The following PTK2 variants were observed in gnomAD, a reference collection of about 807,000 sequenced individuals.
The protein encoded by PTK2 is protein tyrosine kinase 2.
A neutral mutation model predicts 150.1 loss-of-function variants in PTK2; 45 were observed. The ratio of observed to expected loss-of-function variants is 0.30; its 90% CI spans 0.24 to 0.38. PTK2 has a LOEUF of 0.38. Ranked by LOEUF, PTK2 falls within the 10% of genes least tolerant of loss-of-function variation. The pLI is 1.00. For missense variants in PTK2, 919 were observed against 1,307.3 expected (o/e 0.70, Z 4.58); for synonymous variants, 432 against 449.2 (o/e 0.96, Z 0.48).
chr8:140,768,172 T>C (rs1056861651), intron 14 of PTK2, among the ~76,000 whole-genome samples: 13 of 152,122 alleles, frequency 8.5e-5, no homozygotes, highest in Admixed American at 8.5e-4. Context: ...GCAAAATTAT[T>C]TGAAGTTGTA....
intron 23 of PTK2, among the ~76,000 whole-genome samples, chr8:140,710,787 T>C (rs920680922): frequency 6.6e-6 from 1 of 152,240 alleles, no homozygotes; most frequent in African/African-American, 2.4e-5. Context: ...TGGATTTGAA[T>C]CTCCATCCCT....
intron 22 of PTK2, among the ~76,000 whole-genome samples, chr8:140,734,315 T>G (rs1051523378): frequency 1.3e-5 from 2 of 152,246 alleles, no homozygotes; most frequent in Non-Finnish European, 2.9e-5. Context: ...AAGCTTCTCA[T>G]GCCTATGTGT....
intron 3 of PTK2, 57 bp from the exon 4 acceptor site, chr8:140,879,694 A>C (rs2100147939): frequency 1.6e-6 from 2 of 1,254,488 alleles, no homozygotes; most frequent in East Asian, 3.1e-5. Flanking sequence ...AAAAAAAAAA[A>C]AAAAAAACCA....
intron 4 of PTK2, chr8:140,879,237 C>T: frequency 2.6e-6 from 1 of 379,246 alleles, no homozygotes; most frequent in Non-Finnish European, 4.6e-6. Context: ...TAGCAAAAGA[C>T]CATCACAGAA....
intron 2 of PTK2, among the ~76,000 whole-genome samples, chr8:140,915,040 A>AG (rs1428971406): frequency 6.6e-6 from 1 of 150,958 alleles, no homozygotes; most frequent in African/African-American, 2.4e-5. Context: ...ACTCAAAAAA[A>AG]AAAAAAAAAA....
At position 140,687,029 on chromosome 8, in the gene PTK2, A is replaced by G. The variant is rs758644246; in HGVS notation, c.2500-335T>C. On this transcript the variant is annotated intron_variant, in intron 26 of 31. Transcript: ENST00000522684. ...CAACCCCAGGATAAAAATATCAGGC[A>G]TTACTTGCGGCTTTCTGACAGAATA... The G allele has an allele frequency of 8.3e-4, 228 of 274,396 alleles. 4 individuals carry two copies. Among genetic ancestry groups the G allele is most frequent in the Middle Eastern group, 1.2e-3 (1 of 852 alleles). 17.0% of individuals were successfully genotyped at this position (274,396 alleles called of 1,614,324 possible). A position where few individuals can be genotyped will look rare whatever the true frequency, so the allele number is the denominator to read the frequency against.
At chr8:140,739,560 C>T (rs1217432194) in intron 20 of PTK2, among the ~76,000 whole-genome samples, 7 of 152,182 alleles carry the variant, frequency 4.6e-5, no homozygotes, top group Non-Finnish European at 8.8e-5. Flanking sequence ...AACACAGAAC[C>T]CCTGCTCTCA....
chr8:140,660,462 C>G, intron 31 of PTK2: 1 of 395,018 alleles, frequency 2.5e-6, no homozygotes, highest in Non-Finnish European at 5.2e-6. Flanking sequence ...TGGCTCACTC[C>G]TGTACAATTT....
At chr8:140,998,675 C>T (rs1340144890) in intron 1 of PTK2, among the ~76,000 whole-genome samples, 1 of 151,836 alleles carries the variant, frequency 6.6e-6, no homozygotes, top group Non-Finnish European at 1.5e-5. Flanking sequence ...AAAAATTAGC[C>T]GGGCGTGGTG....
At chr8:140,847,727 A>G (rs2100126472) in intron 5 of PTK2, among the ~76,000 whole-genome samples, 2 of 152,192 alleles carry the variant, frequency 1.3e-5, no homozygotes, top group African/African-American at 4.8e-5. Flanking sequence ...CTCGTTCCTG[A>G]AAGTCTAAAC....
chr8:140,871,572 G>A (rs1180469659), intron 4 of PTK2, among the ~76,000 whole-genome samples: 2 of 152,326 alleles, frequency 1.3e-5, no homozygotes, highest in East Asian at 1.9e-4. Flanking sequence ...ACAAAGGCAG[G>A]AGGACTGCTT....
chr8:140,898,500 T>A (rs905293693), intron 2 of PTK2, among the ~76,000 whole-genome samples: 3 of 152,152 alleles, frequency 2.0e-5, no homozygotes, highest in Admixed American at 1.3e-4. Context: ...AGGAAACATA[T>A]CAAGGGTTCT....
At chr8:140,934,494 T>G (rs972859603) in intron 1 of PTK2, 2 of 152,352 alleles carry the variant, frequency 1.3e-5, no homozygotes, top group Admixed American at 1.3e-4. Context: ...TGAAAATACC[T>G]TGACATCATC....
intron 27 of PTK2, among the ~76,000 whole-genome samples, chr8:140,676,275 T>C (rs1325429834): frequency 6.6e-6 from 1 of 151,228 alleles, no homozygotes; most frequent in African/African-American, 2.4e-5. Context: ...ACCTGGGAGG[T>C]TGAGGCAGGA....
intron 23 of PTK2, among the ~76,000 whole-genome samples, chr8:140,707,683 G>A (rs559273332): frequency 1.3e-5 from 2 of 152,312 alleles, no homozygotes; most frequent in African/African-American, 4.8e-5. Flanking sequence ...GGGACTACAG[G>A]AGTGAACCAC....
intron 14 of PTK2, among the ~76,000 whole-genome samples, chr8:140,785,311 A>T (rs1285963979): frequency 6.6e-6 from 1 of 152,228 alleles, no homozygotes; most frequent in Non-Finnish European, 1.5e-5. Flanking sequence ...GGATTTATTT[A>T]AAAACAATTA....
At chr8:140,719,753 T>C (rs1052529684) in intron 22 of PTK2, among the ~76,000 whole-genome samples, 7 of 151,744 alleles carry the variant, frequency 4.6e-5, no homozygotes, top group Admixed American at 6.6e-5. Context: ...GCCAGGCAAG[T>C]TGGCTTATGC....
chr8:140,668,180 G>T, intron 30 of PTK2, 89 bp downstream of exon 34: 1 of 1,467,530 alleles, frequency 6.8e-7, no homozygotes, highest in Non-Finnish European at 9.4e-7. Flanking sequence ...TTGGTGGGGC[G>T]GGGGGACCTA....
At chr8:140,903,119 C>G (rs956116140) in intron 2 of PTK2, among the ~76,000 whole-genome samples, 2 of 151,622 alleles carry the variant, frequency 1.3e-5, no homozygotes, top group African/African-American at 4.8e-5. Flanking sequence ...TTAGGTCTTA[C>G]GTTTAAGTCT....
Sources: gnomAD v4.1 joint callset for allele counts (sites outside exome capture counted in the v4.1 genomes callset) on GRCh38, gnomAD v4.1.1 for gene constraint, MANE v1.5 for transcripts, NCBI Gene and HGNC (gene_info 2026-07-23, HGNC 2026-07-21) for gene names.